PDCL3: variants seen among roughly 807,000 people sequenced by gnomAD.
The protein encoded by PDCL3 is phosducin like 3.
Under a neutral mutation model 26.5 loss-of-function variants are expected in PDCL3, and 22 were observed. That is an observed-to-expected ratio of 0.83 (90% CI 0.59 to 1.19). The LOEUF (loss-of-function observed/expected upper bound fraction) is 1.19. Among genes scored for constraint, PDCL3 ranks in the 50% most tolerant of loss-of-function variants. The pLI is 0.00. For missense variants in PDCL3, 246 were observed against 294.1 expected (o/e 0.84, Z 1.20); for synonymous variants, 81 against 104.9 (o/e 0.77, Z 1.39).
Position 100,571,765 on chromosome 2 carries a change from C to T in PDCL3, c.544C>T (p.Leu182=), listed in dbSNP as rs143476375. The part of the protein sequence containing the change: ...GDIKAQFIGP[L]VFGGMNLTRD... ...TATCAAGGCTCAGTTTATTGGTCCT[C>T]TGGTGTTTGGCGGCATGAACCTGAC... The change falls in exon 5 of 6, where the codon CTG becomes TTG. Residue 182 remains leucine, a synonymous_variant. Coordinates refer to ENST00000264254, the MANE Select transcript of PDCL3 (RefSeq NM_024065.5). 1.2e-6 allele frequency: 2 copies of T among 1,613,990 alleles called. No individual in the cohort carries two copies. The highest frequency in any genetic ancestry group is 2.7e-5 in the African/African-American group (2 of 74,900).
chr2:100,573,348 TA>T (rs1675214905), intron 5 of PDCL3, among the ~76,000 whole-genome samples: 1 of 152,114 alleles, frequency 6.6e-6, no homozygotes, highest in Non-Finnish European at 1.5e-5. Flanking sequence ...AAGACATTTT[TA>T]AACATGACTT....
chr2:100,568,808 T>G, intron 2 of PDCL3, 123 bp from the exon 3 acceptor site: 2 of 738,796 alleles, frequency 2.7e-6, no homozygotes, highest in Non-Finnish European at 4.6e-6. Flanking sequence ...AATTTTTGTT[T>G]AGGTAGGCTA....
In PDCL3 at chr2:100,563,020, C is replaced by A. The variant is rs771441077; in HGVS notation, c.-48C>A. 6.3e-6 allele frequency: 10 copies of A among 1,582,250 alleles called. No homozygotes were observed. Among genetic ancestry groups the A allele is most frequent in the African/African-American group, 4.0e-5 (3 of 74,346 alleles). On this transcript the variant is annotated 5_prime_UTR_variant, in exon 1 of 6. Coordinates refer to ENST00000264254, the MANE Select transcript of PDCL3 (RefSeq NM_024065.5). ...GCGTGCACAAAAGAGAGCTGAGGGG[C>A]GGGGGCGCTGCGGCACAGCTGGTTT...
chr2:100,566,391 A>G (rs1161202315), intron 1 of PDCL3, 112 bp from the exon 2 acceptor site: 2 of 1,322,482 alleles, frequency 1.5e-6, no homozygotes, highest in Non-Finnish European at 2.1e-6. Context: ...TAGTTCACAG[A>G]CTGGTGTGCA....
rs1328380167 is a variant in PDCL3 at position 100,566,530 on chromosome 2, G to A, written c.34G>A (p.Asp12Asn). 1.2e-6 allele frequency: 2 copies of A among 1,612,942 alleles called. No homozygotes were observed. The highest frequency in any genetic ancestry group is 1.7e-6 in the Non-Finnish European group (2 of 1,179,868). ...CCCCAACGCAGACACTGAATGGAATGACATCTTACGCAAAAAGGGTATCTT... is the reference window on the plus strand; with the variant it reads ...CCCCAACGCAGACACTGAATGGAATAACATCTTACGCAAAAAGGGTATCTT... ...QDPNADTEWN[D>N]ILRKKGILPP... The change falls in exon 2 of 6, where the codon GAC (aspartate) becomes AAC (asparagine). Residue 12 changes from aspartate (D) to asparagine (N), a missense_variant. Physicochemically the swap from Asp to Asn is conservative, Grantham distance 23. Coordinates refer to ENST00000264254, the MANE Select transcript of PDCL3 (RefSeq NM_024065.5).
At chr2:100,571,104 C>A (rs1157266591) in intron 4 of PDCL3, among the ~76,000 whole-genome samples, 2 of 110,294 alleles carry the variant, frequency 1.8e-5, no homozygotes, top group Non-Finnish European at 3.3e-5. Flanking sequence ...GTGGTGAAAC[C>A]CTGTCTTTAC....
chr2:100,573,310 A>G (rs369024942), intron 5 of PDCL3, among the ~76,000 whole-genome samples: 3 of 152,194 alleles, frequency 2.0e-5, no homozygotes, highest in African/African-American at 7.2e-5. Flanking sequence ...CTTTATTGAA[A>G]TAATATTTCC....
intron 4 of PDCL3, among the ~76,000 whole-genome samples, chr2:100,569,938 C>G (rs544547461): frequency 2.2e-4 from 33 of 152,202 alleles, no homozygotes; most frequent in African/African-American, 7.7e-4. Flanking sequence ...AACCCCGTCT[C>G]TACTAAAAAT....
At chr2:100,570,948 T>C (rs902367232) in intron 4 of PDCL3, among the ~76,000 whole-genome samples, 1 of 152,152 alleles carries the variant, frequency 6.6e-6, no homozygotes, top group Non-Finnish European at 1.5e-5. Context: ...GTTCTTCACT[T>C]TCCCTCAGCA....
Position 100,569,982 on chromosome 2 carries a change from C to T in PDCL3, c.368+261C>T, listed in dbSNP as rs953863179. On this transcript the variant is annotated intron_variant, in intron 4 of 5. Coordinates refer to ENST00000264254, the MANE Select transcript of PDCL3 (RefSeq NM_024065.5). ...AAAATTAGCTGGGCGTGGTCGCGGG[C>T]GCCTATAGTCCCAGCTACTTGGGAG... Among the ~76,000 whole-genome samples the T allele has an allele frequency of 3.3e-5, 5 of 152,112 alleles. No homozygotes were observed. In the South Asian group the frequency reaches 8.3e-4, roughly 25 times the overall value.
At chr2:100,564,035 C>T (rs1675011591) in intron 1 of PDCL3, among the ~76,000 whole-genome samples, 1 of 151,494 alleles carries the variant, frequency 6.6e-6, no homozygotes, top group Non-Finnish European at 1.5e-5. Context: ...TGTCAGCCTC[C>T]GGAGTAGCTG....
At chr2:100,563,252 A>G in intron 1 of PDCL3, 179 bp downstream of exon 1, 1 of 656,050 alleles carries the variant, frequency 1.5e-6, no homozygotes, top group East Asian at 3.4e-5. Context: ...TCCCACCAGG[A>G]CCCACGGCCT....
chr2:100,568,835 T>A (rs754015596), intron 2 of PDCL3, 96 bp from the exon 3 acceptor site: 9 of 938,368 alleles, frequency 9.6e-6, no homozygotes, highest in Non-Finnish European at 1.6e-5. Context: ...TGGTGTTGTG[T>A]GCATATCTTT....
intron 1 of PDCL3, among the ~76,000 whole-genome samples, chr2:100,565,314 G>T (rs1218473916): frequency 7.5e-6 from 1 of 132,682 alleles, no homozygotes; most frequent in African/African-American, 2.9e-5. Flanking sequence ...TAGCTCTGTC[G>T]CCCAGGCTGG....
At chr2:100,565,791 C>A (rs1368675203) in intron 1 of PDCL3, among the ~76,000 whole-genome samples, 1 of 152,144 alleles carries the variant, frequency 6.6e-6, no homozygotes, top group South Asian at 2.1e-4. Context: ...CTGTCTCTTC[C>A]TCTTGTCTGT....
At chr2:100,571,114 CAAAA>C (rs59012685) in intron 4 of PDCL3, among the ~76,000 whole-genome samples, 4 of 109,088 alleles carry the variant, frequency 3.7e-5, no homozygotes, top group East Asian at 2.5e-4. Context: ...CCTGTCTTTA[CAAAA>C]AAAAAAAAAA....
At chr2:100,574,344 G>GT (rs141605070) in intron 5 of PDCL3, among the ~76,000 whole-genome samples, 23,068 of 134,330 alleles carry the variant, frequency 0.17, 2,208 homozygotes, top group Admixed American at 0.28. Context: ...CTGAAGTCTT[G>GT]TTTTTTTTTT....
intron 2 of PDCL3, among the ~76,000 whole-genome samples, chr2:100,567,873 A>G (rs1445118721): frequency 6.7e-6 from 1 of 148,532 alleles, no homozygotes; most frequent in East Asian, 2.0e-4. Flanking sequence ...CCCAGGCTGG[A>G]CTGCAGTGGC....
chr2:100,569,979 G>A (rs1344183593), intron 4 of PDCL3, among the ~76,000 whole-genome samples: 2 of 152,042 alleles, frequency 1.3e-5, no homozygotes, highest in East Asian at 1.9e-4. Flanking sequence ...GCGTGGTCGC[G>A]GGCGCCTATA....
Sources: gnomAD v4.1 joint callset for allele counts (sites outside exome capture counted in the v4.1 genomes callset) on GRCh38, gnomAD v4.1.1 for gene constraint, MANE v1.5 for transcripts, NCBI Gene and HGNC (gene_info 2026-07-23, HGNC 2026-07-21) for gene names.